TM4SF20: variants seen among roughly 807,000 people sequenced by gnomAD.
TM4SF20 encodes transmembrane 4 L6 family member 20.
In TM4SF20, 13 loss-of-function variants were observed where a neutral mutation model predicts 15.1. The ratio of observed to expected loss-of-function variants is 0.86; its 90% CI spans 0.56 to 1.36. The LOEUF (loss-of-function observed/expected upper bound fraction) is 1.36, where lower values mean the gene tolerates loss of function less well. Ranked by LOEUF, TM4SF20 falls within the 40% of genes most tolerant of loss-of-function variation. The pLI is 0.00. For missense variants in TM4SF20, 282 were observed against 268.4 expected (o/e 1.05, Z -0.35); for synonymous variants, 92 against 96.6 (o/e 0.95, Z 0.28).
intron 1 of TM4SF20, among the ~76,000 whole-genome samples, chr2:227,375,390 C>G (rs908146963): frequency 6.6e-6 from 1 of 152,100 alleles, no homozygotes; most frequent in African/African-American, 2.4e-5. Context: ...ATGACCTTGT[C>G]TCAAAAACAA....
intron 1 of TM4SF20, among the ~76,000 whole-genome samples, chr2:227,375,961 T>A (rs545293331): frequency 1.1e-4 from 16 of 152,342 alleles, no homozygotes; most frequent in African/African-American, 3.6e-4. Context: ...TTGAGATCTT[T>A]TTAAAAATAC....
At chr2:227,376,240 G>T (rs1377135163) in intron 1 of TM4SF20, among the ~76,000 whole-genome samples, 1 of 152,160 alleles carries the variant, frequency 6.6e-6, no homozygotes, top group East Asian at 1.9e-4. Context: ...CAAGAACTAT[G>T]ACCAAAGTGC....
intron 1 of TM4SF20, among the ~76,000 whole-genome samples, chr2:227,377,577 T>C (rs1448053619): frequency 1.3e-5 from 2 of 152,224 alleles, no homozygotes; most frequent in African/African-American, 4.8e-5. Context: ...CTGATCATAA[T>C]TCAGAATCAG....
chr2:227,379,129 C>A lies in TM4SF20; in HGVS notation c.140G>T (p.Cys47Phe). The change falls in exon 1 of 4, where the codon TGC (cysteine) becomes TTC (phenylalanine). Residue 47 changes from cysteine (C) to phenylalanine (F), a missense_variant. Coordinates refer to ENST00000304568, the MANE Select transcript of TM4SF20 (RefSeq NM_024795.4). ...EDQFSQNPIS[C>F]FEWWFPGIIG... ...AATTCCTGGGAACCACCACTCAAAG[C>A]AAGAGATGGGGTTTTGAGAAAATTG... The A allele has an allele frequency of 6.2e-7, 1 of 1,614,176 alleles. No homozygotes were observed. The highest frequency in any genetic ancestry group is 8.5e-7 in the Non-Finnish European group (1 of 1,180,022).
chr2:227,375,187 A>G (rs1465166979), intron 1 of TM4SF20, among the ~76,000 whole-genome samples: 1 of 151,984 alleles, frequency 6.6e-6, no homozygotes, highest in African/African-American at 2.4e-5. Flanking sequence ...TCAGCCTCTC[A>G]AGATGCTGGG....
At position 227,362,214 on chromosome 2, in the gene TM4SF20, T is replaced by C. The variant is rs1435862138; in HGVS notation, c.*1510A>G. The C allele has an allele frequency of 6.6e-6, 1 of 152,226 alleles. No homozygotes were observed. The highest frequency in any genetic ancestry group is 2.4e-5 in the African/African-American group (1 of 41,466). The allele number at this position is 152,226 out of a possible 1,614,324, so 9.4% of individuals were successfully genotyped here. A position where few individuals can be genotyped will look rare whatever the true frequency, so the allele number is the denominator to read the frequency against. ...TTTAATGTGATAAATACCCTTGTTA[T>C]CCTGTTTTTTAAAGATTGGCACATA... is the stretch of plus-strand genomic sequence containing the variant. On this transcript the variant is annotated 3_prime_UTR_variant, in exon 4 of 4. Coordinates refer to ENST00000304568, the MANE Select transcript of TM4SF20 (RefSeq NM_024795.4).
intron 1 of TM4SF20, among the ~76,000 whole-genome samples, chr2:227,374,835 A>G (rs2076439192): frequency 6.6e-6 from 1 of 151,614 alleles, no homozygotes; most frequent in Non-Finnish European, 1.5e-5. Context: ...TCATGCCTGT[A>G]ATTCTGGCAC....
In TM4SF20 at chr2:227,379,249, C is replaced by A. The variant is rs749046852; in HGVS notation, c.20G>T (p.Trp7Leu). 4.3e-6 allele frequency: 7 copies of A among 1,613,974 alleles called. No individual in the cohort carries two copies. Among genetic ancestry groups the A allele is most frequent in the Non-Finnish European group, 5.9e-6 (7 of 1,179,974 alleles). The part of the protein sequence containing the change: MTCCEG[W>L]TSCNGFSLLV... ...CAGGCTGAATCCATTGCAGGATGTC[C>A]ATCCTTCGCAGCAGGTCATGGTCAC... Residue 7 changes from tryptophan (W) to leucine (L), a missense_variant, in exon 1 of 4, where the codon TGG (tryptophan) becomes TTG (leucine). By Grantham distance (61) the Trp-to-Leu change is moderately conservative. Coordinates refer to ENST00000304568, the MANE Select transcript of TM4SF20 (RefSeq NM_024795.4).
upstream of TM4SF20, among the ~76,000 whole-genome samples, chr2:227,379,511 G>T (rs192959648): frequency 1.3e-5 from 2 of 152,326 alleles, no homozygotes; most frequent in Admixed American, 6.5e-5. Flanking sequence ...ATAAATTTAT[G>T]TAAGAAGATA....
At chr2:227,372,935 G>A (rs777001840) in intron 1 of TM4SF20, among the ~76,000 whole-genome samples, 2 of 152,064 alleles carry the variant, frequency 1.3e-5, no homozygotes, top group Non-Finnish European at 2.9e-5. Context: ...TGCCCAGGCT[G>A]GTCTCGAACT....
chr2:227,381,348 C>G (rs2076479210), upstream of TM4SF20, among the ~76,000 whole-genome samples: 1 of 151,886 alleles, frequency 6.6e-6, no homozygotes, highest in Non-Finnish European at 1.5e-5. Flanking sequence ...AAGAATACAA[C>G]TGGGTTGAGA....
rs752558562 is a variant in TM4SF20 at position 227,363,965 on chromosome 2, G to C, written c.449C>G (p.Ser150Cys). The change falls in exon 4 of 4, where the codon TCT (serine) becomes TGT (cysteine). Residue 150 changes from serine (S) to cysteine (C), a missense_variant. Physicochemically the swap from Ser to Cys is moderately radical, Grantham distance 112 (BLOSUM62 -1). Transcript: ENST00000304568. ...ATTGAAACCAGTAGGAGGTGCACAA[G>C]AGTCATTGAAAAACCACTGCAAGTT... is the stretch of plus-strand genomic sequence containing the variant. ...SFNLQWFFND[S>C]CAPPTGFNKP... The C allele has an allele frequency of 6.2e-7, 1 of 1,613,912 alleles. No homozygotes were observed. The highest frequency in any genetic ancestry group is 1.1e-5 in the South Asian group (1 of 90,968).
chr2:227,379,366 A>G, upstream of TM4SF20: 2 of 1,086,516 alleles, frequency 1.8e-6, no homozygotes, highest in Non-Finnish European at 2.7e-6. Context: ...TAACGCTAAT[A>G]AAAAATGAAT....
chr2:227,381,496 A>G (rs936097362), upstream of TM4SF20: 3 of 152,010 alleles, frequency 2.0e-5, no homozygotes, highest in African/African-American at 4.8e-5. Context: ...CCACTAAGTC[A>G]TATAAATTAT....
intron 3 of TM4SF20, 25 bp from the exon 4 acceptor site, chr2:227,364,037 G>A: frequency 6.3e-6 from 10 of 1,594,078 alleles, no homozygotes; most frequent in Non-Finnish European, 8.6e-6. Flanking sequence ...ATAAAAATCA[G>A]ATATTCAGAA....
chr2:227,370,100 G>A (rs1002012340), intron 2 of TM4SF20, among the ~76,000 whole-genome samples: 2 of 152,094 alleles, frequency 1.3e-5, no homozygotes, highest in African/African-American at 4.8e-5. Flanking sequence ...ACTTCGTTAC[G>A]ACTTTATACA....
At chr2:227,367,558 T>C (rs2076399311) in intron 2 of TM4SF20, among the ~76,000 whole-genome samples, 1 of 152,156 alleles carries the variant, frequency 6.6e-6, no homozygotes, top group South Asian at 2.1e-4. Flanking sequence ...GTGAAGTTGT[T>C]AGTCACTGAT....
intron 2 of TM4SF20, among the ~76,000 whole-genome samples, chr2:227,367,018 C>T (rs2076396658): frequency 6.6e-6 from 1 of 152,136 alleles, no homozygotes; most frequent in African/African-American, 2.4e-5. Context: ...CAGTCAACAG[C>T]ATAGAGTTAG....
chr2:227,369,079 A>G (rs2076407805), intron 2 of TM4SF20, among the ~76,000 whole-genome samples: 1 of 152,244 alleles, frequency 6.6e-6, no homozygotes. Flanking sequence ...ACAAAGTCAA[A>G]TTCCAAATTA....
Sources: gnomAD v4.1 joint callset for allele counts (sites outside exome capture counted in the v4.1 genomes callset) on GRCh38, gnomAD v4.1.1 for gene constraint, MANE v1.5 for transcripts, NCBI Gene and HGNC (gene_info 2026-07-23, HGNC 2026-07-21) for gene names.